Variants in MRPL39 observed in about 807,000 individuals in gnomAD.
MRPL39 encodes large ribosomal subunit protein mL39.
MRPL39 carries 35 observed loss-of-function variants against 44.5 expected under a neutral mutation model. That is an observed-to-expected ratio of 0.79 (90% CI 0.60 to 1.04). MRPL39 has a LOEUF of 1.04. Ranked by LOEUF, MRPL39 falls within the 50% of genes least tolerant of loss-of-function variation. The probability of loss-of-function intolerance (pLI) is 0.00; values close to 1 mark genes in which losing one functional copy is unlikely to be tolerated. For missense variants in MRPL39, 433 were observed against 413.5 expected, an observed-to-expected ratio of 1.05 and a Z score of -0.41; for synonymous variants, 139 against 136.1, an observed-to-expected ratio of 1.02 and a Z score of -0.15.
intron 3 of MRPL39, among the ~76,000 whole-genome samples, chr21:25,602,383 G>A (rs994842341): frequency 6.6e-6 from 1 of 152,164 alleles, no homozygotes; most frequent in African/African-American, 2.4e-5. Flanking sequence ...GGGAAAATGG[G>A]GAGAATAGCA....
chr21:25,593,956 T>C lies in MRPL39; in HGVS notation c.704A>G (p.Tyr235Cys), dbSNP rs1385726566. ...CTTCTCTTCTATGAAATCTACTTTG[T>C]ACCTGAAAAGCAGCAAAGAAAAAAA... is the stretch of plus-strand genomic sequence containing the variant. Reference protein sequence around the residue: ...VALEIFQHSKYKVDFIEEKAS... With the variant: ...VALEIFQHSKCKVDFIEEKAS... The change falls in exon 7 of 10, where the codon TAC becomes TGC. Residue 235 changes from tyrosine to cysteine, a missense_variant and splice_region_variant. Physicochemically the swap from Tyr to Cys is radical, Grantham distance 194. Transcript: ENST00000352957. 1 of 1,613,218 alleles carries C rather than the reference T, an allele frequency of 6.2e-7. No homozygotes were observed. Among genetic ancestry groups the C allele is most frequent in the East Asian group, 2.2e-5 (1 of 44,854 alleles).
Position 25,603,853 on chromosome 21 carries a change from C to G in MRPL39, c.363G>C (p.Lys121Asn). 6.2e-7 allele frequency: 1 copy of G among 1,612,928 alleles called. No homozygotes were observed. ...AAGTAAGAAATTTAATTTCACAGGA[C>G]TTTGTTAAAGGCTTATACATGTCCC... ...QPWDMYKPLTKSCEIKFLTFK... is the reference protein window; with the variant it reads ...QPWDMYKPLTNSCEIKFLTFK... The change falls in exon 3 of 10, where the codon AAG (lysine) becomes AAC (asparagine). Residue 121 changes from lysine to asparagine, a missense_variant. Coordinates refer to ENST00000352957, the MANE Select transcript of MRPL39 (RefSeq NM_017446.4).
At chr21:25,601,579 T>C (rs2031526289) in intron 3 of MRPL39, 112 bp from the exon 4 acceptor site, 2 of 642,570 alleles carry the variant, frequency 3.1e-6, no homozygotes, top group Non-Finnish European at 4.8e-6. Context: ...ATTTCTCATA[T>C]ATCTCTGTTC....
chr21:25,604,301 G>T (rs568965256), intron 2 of MRPL39, among the ~76,000 whole-genome samples: 1 of 151,968 alleles, frequency 6.6e-6, no homozygotes, highest in South Asian at 2.1e-4. Flanking sequence ...TATACTCAAG[G>T]TCTTATTGGT....
At chr21:25,606,098 C>T (rs541452660) in intron 2 of MRPL39, among the ~76,000 whole-genome samples, 203 of 152,188 alleles carry the variant, frequency 1.3e-3, no homozygotes, top group Middle Eastern at 3.4e-3. Flanking sequence ...GATAAAGAAC[C>T]TCTGGGAAGT....
At chr21:25,596,135 T>G (rs8134873) in intron 6 of MRPL39, among the ~76,000 whole-genome samples, 2 of 152,036 alleles carry the variant, frequency 1.3e-5, no homozygotes, top group East Asian at 3.8e-4. Flanking sequence ...GTCTCGCTCT[T>G]TCGCCCAGGC....
Position 25,601,479 on chromosome 21 carries a change from AT to A in MRPL39, c.421-13del, listed in dbSNP as rs558642314. The stretch of plus-strand genomic sequence containing the variant: ...GAACGCCAATATGCCTAGAAAAAAA[AT>A]ATACATATATAAAATATATATAAAC... On this transcript the variant is annotated splice_polypyrimidine_tract_variant and intron_variant, in intron 3 of 9. Coordinates refer to ENST00000352957, the MANE Select transcript of MRPL39 (RefSeq NM_017446.4). 13,889 of 1,507,088 alleles carry A rather than the reference AT, an allele frequency of 9.2e-3. 78 individuals are homozygous for A. Among genetic ancestry groups the A allele is most frequent in the Non-Finnish European group, 0.011 (12,707 of 1,105,050 alleles). 93.4% of individuals were successfully genotyped at this position (1,507,088 alleles called of 1,614,324 possible). A position where few individuals can be genotyped will look rare whatever the true frequency, so the allele number is the denominator to read the frequency against.
At chr21:25,595,398 T>C (rs2031324917) in intron 6 of MRPL39, among the ~76,000 whole-genome samples, 1 of 152,188 alleles carries the variant, frequency 6.6e-6, no homozygotes, top group African/African-American at 2.4e-5. Flanking sequence ...CCACCTTCAA[T>C]GAACCAACTC....
chr21:25,603,787 T>C lies in MRPL39; in HGVS notation c.420+9A>G, dbSNP rs769327598. ...GGGAAATAGAAAAAGAATGTAGAGATAGAAATACCTTATTCACTTCTCCTG... is the reference window on the plus strand; with the variant it reads ...GGGAAATAGAAAAAGAATGTAGAGACAGAAATACCTTATTCACTTCTCCTG... On this transcript the variant is annotated intron_variant, in intron 3 of 9. Transcript: ENST00000352957. The C allele has an allele frequency of 1.3e-6, 2 of 1,595,816 alleles. No individual in the cohort carries two copies. The highest frequency in any genetic ancestry group is 8.5e-7 in the Non-Finnish European group (1 of 1,173,074).
At position 25,589,845 on chromosome 21, in the gene MRPL39, T is replaced by A. The variant is rs567139141; in HGVS notation, c.922-963A>T. Among the ~76,000 whole-genome samples, 43 of 152,350 alleles carry A rather than the reference T, an allele frequency of 2.8e-4. 1 individual carries two copies. Among genetic ancestry groups the A allele is most frequent in the African/African-American group, 1.0e-3 (42 of 41,582 alleles). On this transcript the variant is annotated intron_variant, in intron 8 of 9. Coordinates refer to ENST00000352957, the MANE Select transcript of MRPL39 (RefSeq NM_017446.4). ...CATGCCTGACTCAGGCGGAATGAAC[T>A]GCTGGTGCAGAGACCTTAAGCTGTG... is the stretch of plus-strand genomic sequence containing the variant.
chr21:25,600,248 T>C (rs747049035), intron 4 of MRPL39, among the ~76,000 whole-genome samples: 4 of 151,938 alleles, frequency 2.6e-5, no homozygotes. Context: ...ATATAAAAAT[T>C]AGCCGGGCTT....
chr21:25,607,310 C>G (rs1019964927), intron 1 of MRPL39, 93 bp downstream of exon 1: 9 of 1,411,170 alleles, frequency 6.4e-6, no homozygotes, highest in African/African-American at 1.4e-5. Context: ...TTCCTCTGCC[C>G]CGCGGGACCT....
At position 25,606,572 on chromosome 21, in the gene MRPL39, C is replaced by G. The variant is rs774427677; in HGVS notation, c.157G>C (p.Ala53Pro). Residue 53 changes from alanine (A) to proline (P), a missense_variant, in exon 2 of 10, where the codon GCC (alanine) becomes CCC (proline). By Grantham distance (27) the Ala-to-Pro change is conservative. Transcript: ENST00000352957. ...MRNDLFNKEK[A>P]RQLSLTPRTE... is the part of the protein sequence containing the mutation. ...CGGGGAGTTAATGATAACTGCCTGG[C>G]TTTCTCTTTATTAAAGAGATCATTC... is the stretch of plus-strand genomic sequence containing the variant. 16 of 1,613,834 alleles carry G rather than the reference C, an allele frequency of 9.9e-6. No homozygotes were observed. Among genetic ancestry groups the G allele is most frequent in the Non-Finnish European group, 1.3e-5 (15 of 1,179,828 alleles).
At chr21:25,607,482 G>T (rs758831359), upstream of MRPL39, 4 of 1,610,388 alleles carry the variant, frequency 2.5e-6, no homozygotes, top group South Asian at 1.1e-5. Flanking sequence ...CCATAGCAGC[G>T]GTGAGAACCG....
intron 3 of MRPL39, among the ~76,000 whole-genome samples, 165 bp from the exon 4 acceptor site, chr21:25,601,632 C>T (rs917195409): frequency 2.6e-5 from 4 of 152,104 alleles, no homozygotes; most frequent in African/African-American, 9.7e-5. Flanking sequence ...GACGTTACCT[C>T]GACCAAGCAA....
chr21:25,590,859 T>C (rs1049012018), intron 8 of MRPL39, among the ~76,000 whole-genome samples: 4 of 152,190 alleles, frequency 2.6e-5, no homozygotes, highest in African/African-American at 9.6e-5. Flanking sequence ...GGAATTACTC[T>C]ACCTGATTTC....
rs1469845138 is a variant in MRPL39 at position 25,603,884 on chromosome 21, T to C, written c.332A>G (p.Gln111Arg). 1.2e-6 allele frequency: 2 copies of C among 1,612,746 alleles called. No homozygotes were observed. Among genetic ancestry groups the C allele is most frequent in the Admixed American group, 1.7e-5 (1 of 59,642 alleles). Residue 111 changes from glutamine to arginine, a missense_variant, in exon 3 of 10, where the codon CAG becomes CGG. Gln to Arg is a conservative substitution (Grantham distance 43). Transcript: ENST00000352957. ...TAAAGGCTTATACATGTCCCAAGGC[T>C]GTCCATCCACCAGAGCCAGAATGGA... ...RKSILALVDG[Q>R]PWDMYKPLTK... is the part of the protein sequence containing the mutation.
rs2031665462 is a variant in MRPL39 at position 25,606,314 on chromosome 21, G to A, written c.280+135C>T. The A allele has an allele frequency of 4.1e-6, 3 of 729,938 alleles. No homozygotes were observed. In the East Asian group the frequency reaches 8.8e-5, roughly 22 times the overall value. 45.2% of individuals were successfully genotyped at this position (729,938 alleles called of 1,614,324 possible). A position where few individuals can be genotyped will look rare whatever the true frequency, so the allele number is the denominator to read the frequency against. ...GGAGCAGTCACCATGCAGGTCTCAA[G>A]AAAGGATTTTGGTATAAAGGGATTG... On this transcript the variant is annotated intron_variant, in intron 2 of 9. Transcript: ENST00000352957.
chr21:25,597,112 G>A (rs2031383004), intron 6 of MRPL39, among the ~76,000 whole-genome samples, 190 bp downstream of exon 6: 1 of 152,206 alleles, frequency 6.6e-6, no homozygotes, highest in Non-Finnish European at 1.5e-5. Flanking sequence ...GTAAAACAAA[G>A]TGAGAAAATT....
Sources: allele counts gnomAD v4.1 joint callset (sites outside exome capture counted in the v4.1 genomes callset), GRCh38; gene constraint gnomAD v4.1.1; transcripts MANE v1.5; gene names NCBI Gene and HGNC (gene_info 2026-07-23, HGNC 2026-07-21).